The following ANO6 variants were observed in gnomAD, a reference collection of about 807,000 sequenced individuals.
ANO6 encodes anoctamin-6.
ANO6 carries 106 observed loss-of-function variants against 117.5 expected under a neutral mutation model. The ratio of observed to expected loss-of-function variants is 0.90; its 90% CI spans 0.77 to 1.06. The LOEUF (loss-of-function observed/expected upper bound fraction) is 1.06. Ranked by LOEUF, ANO6 falls within the 50% of genes least tolerant of loss-of-function variation. The pLI, the probability that ANO6 is intolerant of heterozygous loss-of-function variation, is 0.00. For synonymous variants in ANO6, 367 were observed against 385.1 expected (o/e 0.95, Z 0.55); for missense variants, 955 against 1,121.1 (o/e 0.85, Z 2.12).
downstream of ANO6, among the ~76,000 whole-genome samples, chr12:45,433,734 C>CA (rs1943676077): frequency 6.6e-6 from 1 of 152,198 alleles, no homozygotes; most frequent in African/African-American, 2.4e-5. Flanking sequence ...TAGCAGTTCT[C>CA]ACAATAGGGA....
intron 3 of ANO6, among the ~76,000 whole-genome samples, chr12:45,332,796 A>G (rs1940712011): frequency 6.6e-6 from 1 of 152,056 alleles, no homozygotes; most frequent in Admixed American, 6.6e-5. Context: ...ATCAACATAG[A>G]TAAATGGTAG....
At chr12:45,412,323 A>G (rs1943107125) in intron 16 of ANO6, among the ~76,000 whole-genome samples, 1 of 152,162 alleles carries the variant, frequency 6.6e-6, no homozygotes, top group African/African-American at 2.4e-5. Context: ...TGAAGTGATG[A>G]GTGGGCCCTG....
intron 1 of ANO6, among the ~76,000 whole-genome samples, chr12:45,232,826 C>G (rs1452462661): frequency 6.6e-6 from 1 of 152,178 alleles, no homozygotes; most frequent in African/African-American, 2.4e-5. Flanking sequence ...CAGTTCTCTT[C>G]ATTCTTTCTT....
intron 1 of ANO6, among the ~76,000 whole-genome samples, chr12:45,288,639 A>G (rs1461613257): frequency 6.6e-6 from 1 of 152,240 alleles, no homozygotes; most frequent in Non-Finnish European, 1.5e-5. Flanking sequence ...GTCAGTGGAC[A>G]CTTGAATTGC....
intron 2 of ANO6, among the ~76,000 whole-genome samples, chr12:45,324,404 C>T (rs1412804816): frequency 6.6e-6 from 1 of 152,156 alleles, no homozygotes; most frequent in Non-Finnish European, 1.5e-5. Flanking sequence ...GGAATCGTCA[C>T]AATCCTTTGC....
At chr12:45,424,619 G>T (rs1467627391) in intron 19 of ANO6, among the ~76,000 whole-genome samples, 2 of 152,086 alleles carry the variant, frequency 1.3e-5, no homozygotes, top group Non-Finnish European at 2.9e-5. Flanking sequence ...TTATAGGCAT[G>T]AGCCACTGCG....
intron 8 of ANO6, among the ~76,000 whole-genome samples, chr12:45,358,525 A>G (rs977324977): frequency 6.6e-6 from 1 of 152,148 alleles, no homozygotes; most frequent in Non-Finnish European, 1.5e-5. Flanking sequence ...TTGCATTTTT[A>G]TAAGGTCCTC....
intron 16 of ANO6, 104 bp downstream of exon 16, chr12:45,409,591 A>G: frequency 7.4e-7 from 1 of 1,355,778 alleles, no homozygotes; most frequent in South Asian, 1.2e-5. Context: ...GCATATTGAA[A>G]TGAAGAAGAG....
chr12:45,437,576 CTT>C (rs140011511), intron 19 of ANO6, among the ~76,000 whole-genome samples: 1 of 151,140 alleles, frequency 6.6e-6, no homozygotes, highest in African/African-American at 2.4e-5. Context: ...GCTCTCATAA[CTT>C]TTTTTTTGAG....
chr12:45,234,878 T>C (rs1947624048), intron 1 of ANO6, among the ~76,000 whole-genome samples: 1 of 152,210 alleles, frequency 6.6e-6, no homozygotes, highest in Admixed American at 6.5e-5. Context: ...TGGCTTGTCC[T>C]TTTCCTCCTC....
At chr12:45,261,365 A>T (rs953068584) in intron 1 of ANO6, among the ~76,000 whole-genome samples, 1 of 152,156 alleles carries the variant, frequency 6.6e-6, no homozygotes. Context: ...CCTGGATTGG[A>T]CACTTGATCT....
At chr12:45,298,267 A>G (rs1446081111) in intron 1 of ANO6, among the ~76,000 whole-genome samples, 1 of 152,260 alleles carries the variant, frequency 6.6e-6, no homozygotes, top group East Asian at 1.9e-4. Flanking sequence ...AGGCTGAGGC[A>G]TAGTGACAGG....
At chr12:45,292,074 A>G (rs1318159660) in intron 1 of ANO6, among the ~76,000 whole-genome samples, 2 of 152,236 alleles carry the variant, frequency 1.3e-5, no homozygotes, top group East Asian at 1.9e-4. Flanking sequence ...GTCCATCCAC[A>G]GATGAATGGG....
chr12:45,423,424 G>A (rs1156733201), intron 19 of ANO6, among the ~76,000 whole-genome samples: 2 of 152,166 alleles, frequency 1.3e-5, no homozygotes, highest in African/African-American at 4.8e-5. Context: ...GTTTGAAATT[G>A]ACCAGCTCTG....
At chr12:45,237,229 A>C (rs1221858258) in intron 1 of ANO6, among the ~76,000 whole-genome samples, 1 of 152,150 alleles carries the variant, frequency 6.6e-6, no homozygotes, top group Non-Finnish European at 1.5e-5. Flanking sequence ...CTTTAGTTGA[A>C]TTAGATCCCA....
intron 2 of ANO6, among the ~76,000 whole-genome samples, chr12:45,308,263 C>T (rs1459546332): frequency 6.6e-6 from 1 of 151,422 alleles, no homozygotes; most frequent in South Asian, 2.1e-4. Context: ...GAAGGGAATC[C>T]CGTCTATAAG....
At chr12:45,361,451 A>T (rs1006122931) in intron 8 of ANO6, among the ~76,000 whole-genome samples, 5 of 152,140 alleles carry the variant, frequency 3.3e-5, no homozygotes, top group Non-Finnish European at 5.9e-5. Context: ...TGGATTCCTT[A>T]GGATTTTTAT....
chr12:45,255,576 T>C (rs1937780883), intron 1 of ANO6, among the ~76,000 whole-genome samples: 1 of 152,200 alleles, frequency 6.6e-6, no homozygotes, highest in Non-Finnish European at 1.5e-5. Flanking sequence ...GGAAGCATCG[T>C]GGAATCATAG....
Position 45,316,205 on chromosome 12 carries a change from G to A in ANO6, c.150+14112G>A, listed in dbSNP as rs1444642328. Among the ~76,000 whole-genome samples, 4 of 152,044 alleles carry A rather than the reference G, an allele frequency of 2.6e-5. No homozygotes were observed. In the East Asian group the frequency reaches 7.7e-4, roughly 29 times the overall value. The stretch of plus-strand genomic sequence containing the variant: ...TCCATAGCCCTGTTGAGCAGGTACT[G>A]TTGGGAAATATCACTAAAAAGATGG... On this transcript the variant is annotated intron_variant, in intron 2 of 19. Coordinates refer to ENST00000320560, the MANE Select transcript of ANO6 (RefSeq NM_001025356.3).
Sources: gnomAD v4.1 joint callset for allele counts (sites outside exome capture counted in the v4.1 genomes callset) on GRCh38, gnomAD v4.1.1 for gene constraint, MANE v1.5 for transcripts, NCBI Gene and HGNC (gene_info 2026-07-23, HGNC 2026-07-21) for gene names.